The following SCARA5 variants were observed in gnomAD, a reference collection of about 807,000 sequenced individuals.
SCARA5 encodes the protein scavenger receptor class A, member 5 (putative).
A neutral mutation model predicts 46.3 loss-of-function variants in SCARA5; 45 were observed. The observed-to-expected ratio is 0.97, with a 90% CI of 0.76 to 1.24. The LOEUF is 1.24. SCARA5 is among the 50% of genes most tolerant of loss of function. SCARA5 has a pLI of 0.00. For synonymous variants in SCARA5, 333 were observed against 306.5 expected (o/e 1.09, Z -0.90); for missense variants, 680 against 689.0 (o/e 0.99, Z 0.15).
chr8:27,959,513 G>A (rs1027536601), intron 3 of SCARA5, among the ~76,000 whole-genome samples: 30 of 152,208 alleles, frequency 2.0e-4, no homozygotes. Flanking sequence ...GAGCTCTCCC[G>A]GACTAGGAGG....
intron 4 of SCARA5, among the ~76,000 whole-genome samples, chr8:27,912,845 G>A (rs369134583): frequency 3.9e-5 from 6 of 152,252 alleles, no homozygotes; most frequent in African/African-American, 9.6e-5. Flanking sequence ...GGGCCTCTGG[G>A]TGGTAGACAT....
Position 27,879,601 on chromosome 8 carries a change from T to TC in SCARA5, c.1318dup (p.Glu440GlyfsTer20). On this transcript the variant is annotated frameshift_variant, in exon 8 of 9. Coordinates refer to ENST00000354914, the MANE Select transcript of SCARA5 (RefSeq NM_173833.6). LOFTEE classifies it high-confidence loss of function. ...GAATCGAGCTGTGCGGTACACCTCC[T>TC]CCACACCGCGGAAGCCGAGCATGCG... The TC allele has an allele frequency of 6.2e-7, 1 of 1,610,312 alleles. No individual in the cohort carries two copies. Among genetic ancestry groups the TC allele is most frequent in the Non-Finnish European group, 8.5e-7 (1 of 1,179,992 alleles).
At chr8:27,941,433 C>T (rs922698602) in intron 3 of SCARA5, among the ~76,000 whole-genome samples, 5 of 152,216 alleles carry the variant, frequency 3.3e-5, no homozygotes, top group African/African-American at 9.6e-5. Context: ...TTAATAACGT[C>T]TACCTCATGG....
chr8:27,940,801 T>TCCAC (rs1308073806), intron 3 of SCARA5, among the ~76,000 whole-genome samples: 1 of 137,478 alleles, frequency 7.3e-6, no homozygotes, highest in African/African-American at 2.7e-5. Context: ...CATCCATCCA[T>TCCAC]CCAAATCATC....
chr8:27,965,136 A>G (rs1808349027), intron 3 of SCARA5, among the ~76,000 whole-genome samples: 1 of 151,436 alleles, frequency 6.6e-6, no homozygotes, highest in Non-Finnish European at 1.5e-5. Flanking sequence ...GATGGGACAG[A>G]CTCCACCCCA....
chr8:27,967,167 C>T (rs1808382396), intron 2 of SCARA5, among the ~76,000 whole-genome samples: 1 of 152,228 alleles, frequency 6.6e-6, no homozygotes, highest in Admixed American at 6.5e-5. Flanking sequence ...TTCTGACCAG[C>T]TTGCAACCTT....
intron 7 of SCARA5, among the ~76,000 whole-genome samples, chr8:27,897,597 G>A (rs1256069026): frequency 1.3e-5 from 2 of 152,268 alleles, no homozygotes; most frequent in African/African-American, 4.8e-5. Flanking sequence ...GAGAATTGGG[G>A]ATGCCAGTCC....
At chr8:27,918,697 T>TGAG (rs139784450) in intron 4 of SCARA5, among the ~76,000 whole-genome samples, 5 of 6,308 alleles carry the variant, frequency 7.9e-4, no homozygotes, top group Admixed American at 6.3e-3. Context: ...AAAAGGAAGA[T>TGAG]GAGGAGGAAA....
chr8:27,942,644 C>G (rs1487733352), intron 3 of SCARA5, among the ~76,000 whole-genome samples: 1 of 152,136 alleles, frequency 6.6e-6, no homozygotes, highest in Non-Finnish European at 1.5e-5. Flanking sequence ...ACTTCCTTCC[C>G]CACTTTAACT....
intron 7 of SCARA5, among the ~76,000 whole-genome samples, chr8:27,893,176 T>G (rs1807013868): frequency 6.6e-6 from 1 of 152,150 alleles, no homozygotes; most frequent in South Asian, 2.1e-4. Context: ...TGAATGAGTC[T>G]CCTCCTAACT....
At chr8:27,974,772 C>T (rs1372511559) in intron 2 of SCARA5, among the ~76,000 whole-genome samples, 1 of 148,158 alleles carries the variant, frequency 6.7e-6, no homozygotes, top group Non-Finnish European at 1.5e-5. Flanking sequence ...AAGTATGAAG[C>T]AGGGGCACTG....
intron 2 of SCARA5, among the ~76,000 whole-genome samples, chr8:27,975,140 C>T (rs1406116510): frequency 1.3e-5 from 2 of 152,098 alleles, no homozygotes; most frequent in Admixed American, 6.6e-5. Context: ...CATCAATAGC[C>T]AGCGATTTAA....
chr8:27,991,776 G>A (rs1015663086), intron 1 of SCARA5, among the ~76,000 whole-genome samples: 2 of 152,036 alleles, frequency 1.3e-5, no homozygotes, highest in South Asian at 4.1e-4. Flanking sequence ...GCTGGACAGA[G>A]ACAGATATTT....
At chr8:27,983,917 C>T (rs1162243908) in intron 2 of SCARA5, among the ~76,000 whole-genome samples, 2 of 152,152 alleles carry the variant, frequency 1.3e-5, no homozygotes, top group African/African-American at 4.8e-5. Context: ...AGTGCCATCT[C>T]TCCTCCCCTC....
In SCARA5 at chr8:27,897,261, A is replaced by C. The variant is rs185457992; in HGVS notation, c.1153+7517T>G. ...GTGAGAGTTGATCCAGTGACATCAA[A>C]GGCTCCCGGGGACCTCCCGGACTCA... is the stretch of plus-strand genomic sequence containing the variant. On this transcript the variant is annotated intron_variant, in intron 7 of 8. Transcript: ENST00000354914. Among the ~76,000 whole-genome samples, 401 of 152,246 alleles carry C rather than the reference A, an allele frequency of 2.6e-3. 2 individuals are homozygous for C. The highest frequency in any genetic ancestry group is 9.1e-3 in the African/African-American group (378 of 41,552).
chr8:27,913,384 T>C (rs1265650466), intron 4 of SCARA5, among the ~76,000 whole-genome samples: 1 of 152,216 alleles, frequency 6.6e-6, no homozygotes, highest in African/African-American at 2.4e-5. Context: ...GATCTTTAAA[T>C]CACTGATGCT....
At chr8:27,987,919 G>A (rs946559537) in intron 1 of SCARA5, among the ~76,000 whole-genome samples, 1 of 152,208 alleles carries the variant, frequency 6.6e-6, no homozygotes, top group African/African-American at 2.4e-5. Flanking sequence ...TCTCAGTGGG[G>A]CTGGAATCCT....
At chr8:27,964,098 A>G (rs1473932543) in intron 3 of SCARA5, among the ~76,000 whole-genome samples, 1 of 152,204 alleles carries the variant, frequency 6.6e-6, no homozygotes, top group Non-Finnish European at 1.5e-5. Context: ...GAGAAGGAGC[A>G]TCGCTGAGGT....
intron 4 of SCARA5, among the ~76,000 whole-genome samples, chr8:27,920,206 G>A (rs998586011): frequency 6.6e-6 from 1 of 152,130 alleles, no homozygotes; most frequent in African/African-American, 2.4e-5. Flanking sequence ...AAATGGACTG[G>A]CATTCCATAG....
Sources: gnomAD v4.1 joint callset for allele counts (sites outside exome capture counted in the v4.1 genomes callset) on GRCh38, gnomAD v4.1.1 for gene constraint, MANE v1.5 for transcripts, NCBI Gene and HGNC (gene_info 2026-07-23, HGNC 2026-07-21) for gene names.